The following DLGAP2 variants were observed in gnomAD, a reference collection of about 807,000 sequenced individuals.
DLGAP2 encodes the protein DLG associated protein 2, also known as disks large-associated protein 2.
A neutral mutation model predicts 100.3 loss-of-function variants in DLGAP2; 26 were observed. The observed-to-expected ratio is 0.26, with a 90% confidence interval of 0.19 to 0.36. The LOEUF is 0.36. DLGAP2 is among the 10% of genes least tolerant of loss of function. The probability of loss-of-function intolerance (pLI) is 1.00; values close to 1 mark genes in which losing one functional copy is unlikely to be tolerated. For missense variants in DLGAP2, 1,858 were observed against 1,453.2 expected, an observed-to-expected ratio of 1.28 and a Z score of -4.53; for synonymous variants, 886 against 630.1, an observed-to-expected ratio of 1.41 and a Z score of -6.08.
At chr8:1,045,721 A>G (rs1389486671) in intron 2 of DLGAP2, among the ~76,000 whole-genome samples, 1 of 152,150 alleles carries the variant, frequency 6.6e-6, no homozygotes, top group East Asian at 1.9e-4. Flanking sequence ...TTTTAGGGAC[A>G]GGTGTGTGTG....
chr8:1,495,378 AC>A (rs1799515430), intron 3 of DLGAP2, among the ~76,000 whole-genome samples: 1 of 152,012 alleles, frequency 6.6e-6, no homozygotes, highest in Non-Finnish European at 1.5e-5. Context: ...GTCCCGTGTT[AC>A]CCGGCCACAC....
At chr8:915,746 A>T (rs1302418454) in intron 2 of DLGAP2, among the ~76,000 whole-genome samples, 1 of 152,140 alleles carries the variant, frequency 6.6e-6, no homozygotes, top group African/African-American at 2.4e-5. Context: ...TCCGTCCGTC[A>T]GTTCACCCGT....
chr8:1,617,023 T>C, intron 6 of DLGAP2, among the ~76,000 whole-genome samples: 1 of 152,240 alleles, frequency 6.6e-6, no homozygotes, highest in East Asian at 1.9e-4. Context: ...CTAAGGATAA[T>C]GGCCTCCAGC....
chr8:1,434,239 G>A (rs376796870), intron 3 of DLGAP2, among the ~76,000 whole-genome samples: 1 of 152,158 alleles, frequency 6.6e-6, no homozygotes, highest in Non-Finnish European at 1.5e-5. Flanking sequence ...CTGGCCCTGA[G>A]GAAATCTCGT....
intron 1 of DLGAP2, among the ~76,000 whole-genome samples, chr8:813,091 ACT>A (rs1034081739): frequency 1.1e-4 from 17 of 152,298 alleles, no homozygotes; most frequent in Admixed American, 9.2e-4. Flanking sequence ...ATAATAGAAG[ACT>A]TTCTAAATTA....
At chr8:1,126,664 C>G (rs1049878986) in intron 2 of DLGAP2, among the ~76,000 whole-genome samples, 1 of 152,146 alleles carries the variant, frequency 6.6e-6, no homozygotes, top group Non-Finnish European at 1.5e-5. Context: ...GTGGGCGGTG[C>G]TCTGCTGCTG....
Position 1,703,702 on chromosome 8 carries a change from T to G in DLGAP2, c.*2296T>G, listed in dbSNP as rs1799633604. 6.6e-6 allele frequency: 1 copy of G among 152,252 alleles called. No homozygotes were observed. The highest frequency in any genetic ancestry group is 2.1e-4 in the South Asian group (1 of 4,828). The allele number at this position is 152,252 out of a possible 1,614,324, so 9.4% of individuals were successfully genotyped here. On this transcript the variant is annotated 3_prime_UTR_variant, in exon 15 of 15. Coordinates refer to ENST00000637795, the MANE Select transcript of DLGAP2 (RefSeq NM_001346810.2). The stretch of plus-strand genomic sequence containing the variant: ...AACTGTTAAAGTAGTCAATAATTAT[T>G]TGTCTCAGATCCCAGATTCTATGAT...
At chr8:989,430 G>C (rs993508614) in intron 2 of DLGAP2, among the ~76,000 whole-genome samples, 1 of 152,104 alleles carries the variant, frequency 6.6e-6, no homozygotes, top group African/African-American at 2.4e-5. Context: ...TGTGTTTTTG[G>C]CCTCTCCTGT....
At chr8:937,980 A>G (rs1799109758) in intron 2 of DLGAP2, among the ~76,000 whole-genome samples, 1 of 152,130 alleles carries the variant, frequency 6.6e-6, no homozygotes, top group African/African-American at 2.4e-5. Context: ...GTAGTTCAGC[A>G]GTTCTTACTC....
At chr8:1,136,179 G>A (rs1001618920) in intron 2 of DLGAP2, among the ~76,000 whole-genome samples, 6 of 152,126 alleles carry the variant, frequency 3.9e-5, no homozygotes, top group East Asian at 1.9e-4. Context: ...CCCAAGGGGC[G>A]GGACACCTGC....
intron 3 of DLGAP2, among the ~76,000 whole-genome samples, chr8:1,417,178 T>C (rs1164082794): frequency 1.3e-5 from 1 of 76,334 alleles, no homozygotes; most frequent in Non-Finnish European, 2.6e-5. Context: ...CCCCCGTTCA[T>C]TTAGTGTCTG....
chr8:1,599,449 G>T (rs1796556711), intron 6 of DLGAP2, among the ~76,000 whole-genome samples: 1 of 152,096 alleles, frequency 6.6e-6, no homozygotes, highest in Admixed American at 6.6e-5. Flanking sequence ...ATCTAATATT[G>T]ACAGTGAGGT....
intron 2 of DLGAP2, among the ~76,000 whole-genome samples, chr8:1,201,742 G>A (rs1339630788): frequency 1.3e-5 from 2 of 152,212 alleles, no homozygotes; most frequent in African/African-American, 4.8e-5. Flanking sequence ...CCTGTGAGGG[G>A]CTTGTGTGCT....
chr8:1,531,108 T>G (rs1299524399), intron 4 of DLGAP2, among the ~76,000 whole-genome samples: 1 of 152,214 alleles, frequency 6.6e-6, no homozygotes, highest in Non-Finnish European at 1.5e-5. Flanking sequence ...CCCTTGAAAG[T>G]GCTGAAACTT....
At chr8:980,450 A>G (rs1221242235) in intron 2 of DLGAP2, among the ~76,000 whole-genome samples, 1 of 152,208 alleles carries the variant, frequency 6.6e-6, no homozygotes, top group Non-Finnish European at 1.5e-5. Context: ...GCCACAATTG[A>G]GCCAAGTTTC....
intron 1 of DLGAP2, among the ~76,000 whole-genome samples, chr8:779,116 G>C (rs189516052): frequency 2.0e-5 from 3 of 152,372 alleles, no homozygotes; most frequent in African/African-American, 7.2e-5. Flanking sequence ...GGTGCCGTCC[G>C]TCACCCCTTT....
chr8:1,507,311 G>A (rs971426006), intron 4 of DLGAP2, among the ~76,000 whole-genome samples: 3 of 151,886 alleles, frequency 2.0e-5, no homozygotes, highest in Non-Finnish European at 4.4e-5. Flanking sequence ...CGGGGAGGCA[G>A]CTGAGGCCCG....
chr8:1,518,170 C>T lies in DLGAP2; in HGVS notation c.172+16739C>T, dbSNP rs1800460071. On this transcript the variant is annotated intron_variant, in intron 4 of 14. Transcript: ENST00000637795. The stretch of plus-strand genomic sequence containing the variant: ...TACGCTTCTGTGTTATGTGACTTGT[C>T]CGTACCATTTAGCCTCCCAATTGGA... 3.3e-5 allele frequency among the ~76,000 whole-genome samples: 5 copies of T among 152,192 alleles called. No homozygotes were observed. The South Asian group carries it at 1.0e-3, about 32-fold the overall frequency.
chr8:1,627,509 G>T (rs1470677445), intron 7 of DLGAP2, among the ~76,000 whole-genome samples: 2 of 152,236 alleles, frequency 1.3e-5, no homozygotes, highest in African/African-American at 4.8e-5. Context: ...GAAAAAATCG[G>T]CAAGTGTCCT....
Sources: gnomAD v4.1 joint callset for allele counts (sites outside exome capture counted in the v4.1 genomes callset) on GRCh38, gnomAD v4.1.1 for gene constraint, MANE v1.5 for transcripts, NCBI Gene and HGNC (gene_info 2026-07-23, HGNC 2026-07-21) for gene names.